Variants in NOP9 observed in about 807,000 individuals in gnomAD.
NOP9 encodes the protein NOP9 nucleolar protein.
A neutral mutation model predicts 63.0 loss-of-function variants in NOP9; 50 were observed. The observed-to-expected ratio is 0.79, with a 90% confidence interval of 0.63 to 1.00. The LOEUF (loss-of-function observed/expected upper bound fraction) is 1.00. Among genes scored for constraint, NOP9 ranks in the 50% least tolerant of loss-of-function variants. NOP9 has a pLI of 0.00. For missense variants in NOP9, 758 were observed against 803.0 expected, an observed-to-expected ratio of 0.94 and a Z score of 0.68; for synonymous variants, 343 against 332.8, an observed-to-expected ratio of 1.03 and a Z score of -0.33.
Position 24,306,668 on chromosome 14 carries a change from A to G in NOP9, c.*1573A>G. On this transcript the variant is annotated 3_prime_UTR_variant, in exon 10 of 10. Coordinates refer to ENST00000267425, the MANE Select transcript of NOP9 (RefSeq NM_174913.3). ...CACTTTGATACCTCCTAAAGGTTGC[A>G]GCTCTCCGTGTTCTTCAGTTTTTGG... The G allele has an allele frequency of 1.0e-6, 1 of 968,738 alleles. No homozygotes were observed. Among genetic ancestry groups the G allele is most frequent in the Admixed American group, 2.3e-5 (1 of 43,642 alleles). 60.0% of individuals were successfully genotyped at this position (968,738 alleles called of 1,614,324 possible).
At position 24,304,533 on chromosome 14, in the gene NOP9, G is replaced by A. The variant is rs758600371; in HGVS notation, c.1688G>A (p.Arg563His). Residue 563 changes from arginine (R) to histidine (H), a missense_variant, in exon 9 of 10, where the codon CGT becomes CAT. By Grantham distance (29) the Arg-to-His change is conservative. Coordinates refer to ENST00000267425, the MANE Select transcript of NOP9 (RefSeq NM_174913.3). ...VALACSRHGS[R>H]VLDAIWSGAA... ...CTGGCCTGTAGTCGCCATGGCAGCC[G>A]TGTGCTAGATGCCATCTGGAGTGGA... 9.3e-6 allele frequency: 15 copies of A among 1,613,172 alleles called. No individual in the cohort carries two copies. Among genetic ancestry groups the A allele is most frequent in the East Asian group, 6.7e-5 (3 of 44,894 alleles).
chr14:24,292,869 C>T, the NOP9 span: 1 of 1,496,604 alleles, frequency 6.7e-7, no homozygotes, highest in South Asian at 1.3e-5. Flanking sequence ...CCCCTGCCTT[C>T]TGGTGGTTGT....
chr14:24,300,235 A>G (rs780862988), intron 1 of NOP9, 34 bp downstream of exon 1: 3 of 1,605,942 alleles, frequency 1.9e-6, no homozygotes, highest in Non-Finnish European at 2.6e-6. Flanking sequence ...GACCAAGAGC[A>G]TCAAATCCAG....
At chr14:24,290,676 A>G in the NOP9 span, 109 of 638,780 alleles carry the variant, frequency 1.7e-4, 2 homozygotes, top group South Asian at 1.6e-3. Flanking sequence ...AAGGACAAGG[A>G]AAACCAAGGC....
At chr14:24,294,908 A>G (rs10136508), upstream of NOP9, among the ~76,000 whole-genome samples, 69,280 of 152,068 alleles carry the variant, frequency 0.46, 16,497 homozygotes, top group East Asian at 0.6. Context: ...CTGGTGTGGT[A>G]GAGGACATGG....
chr14:24,276,004 T>C, the NOP9 span, among the ~76,000 whole-genome samples: 1 of 152,246 alleles, frequency 6.6e-6, no homozygotes, highest in East Asian at 1.9e-4. Flanking sequence ...ATGTGACTGC[T>C]AAGCGCTTGA....
chr14:24,276,079 T>A, the NOP9 span, among the ~76,000 whole-genome samples: 67 of 151,956 alleles, frequency 4.4e-4, no homozygotes, highest in Admixed American at 1.5e-3. Context: ...AACTTAAAAA[T>A]TTTTTTTTGG....
chr14:24,280,740 T>G, the NOP9 span, among the ~76,000 whole-genome samples: 1 of 152,120 alleles, frequency 6.6e-6, no homozygotes, highest in Non-Finnish European at 1.5e-5. Context: ...TTTCAGGGAA[T>G]CTAAGTGCCC....
At chr14:24,301,272 A>G (rs1392928365) in intron 2 of NOP9, among the ~76,000 whole-genome samples, 1 of 152,174 alleles carries the variant, frequency 6.6e-6, no homozygotes, top group African/African-American at 2.4e-5. Flanking sequence ...AGTTGAGACC[A>G]CTAACTTGAT....
chr14:24,299,230 G>A (rs988503947), upstream of NOP9: 4 of 1,159,842 alleles, frequency 3.4e-6, no homozygotes, highest in Middle Eastern at 5.1e-4. Flanking sequence ...GCTAAGAGGA[G>A]GAGCCAAGGT....
Position 24,304,280 on chromosome 14 carries a change from T to C in NOP9, c.1647+3T>C, listed in dbSNP as rs879644412. 1.1e-5 allele frequency: 17 copies of C among 1,611,938 alleles called. No individual in the cohort carries two copies. Among genetic ancestry groups the C allele is most frequent in the Non-Finnish European group, 1.4e-5 (16 of 1,178,630 alleles). ...GCCGTGTGCTGCAGAACCTAAAGGT[T>C]AGATTTCTGGCTTTTGCCTTGATTC... On this transcript the variant is annotated splice_donor_region_variant and intron_variant, in intron 8 of 9. Coordinates refer to ENST00000267425, the MANE Select transcript of NOP9 (RefSeq NM_174913.3).
chr14:24,297,252 T>C (rs1213438368), upstream of NOP9, among the ~76,000 whole-genome samples: 1 of 152,184 alleles, frequency 6.6e-6, no homozygotes, highest in Non-Finnish European at 1.5e-5. Context: ...CCATCTCTCA[T>C]GCCCTTAGCT....
At chr14:24,278,643 G>A in the NOP9 span, among the ~76,000 whole-genome samples, 1 of 152,328 alleles carries the variant, frequency 6.6e-6, no homozygotes, top group African/African-American at 2.4e-5. Flanking sequence ...GTGGAATAAC[G>A]ATAGTGTATG....
At position 24,306,558 on chromosome 14, in the gene NOP9, T is replaced by C; in HGVS notation, c.*1463T>C. On this transcript the variant is annotated 3_prime_UTR_variant, in exon 10 of 10. Coordinates refer to ENST00000267425, the MANE Select transcript of NOP9 (RefSeq NM_174913.3). ...GGCAAGAAGCAAGAAGGGCAGGTCT[T>C]ATCCCATGCCCCTTCCCTCTTTAGC... 4.3e-6 allele frequency: 7 copies of C among 1,613,990 alleles called. No homozygotes were observed. The highest frequency in any genetic ancestry group is 5.9e-6 in the Non-Finnish European group (7 of 1,179,838).
rs1393452585 is a variant in NOP9 at position 24,302,369 on chromosome 14, C to G, written c.1088C>G (p.Pro363Arg). 2 of 1,613,924 alleles carry G rather than the reference C, an allele frequency of 1.2e-6. No individual in the cohort carries two copies. The highest frequency in any genetic ancestry group is 1.7e-6 in the Non-Finnish European group (2 of 1,179,960). The change falls in exon 5 of 10, where the codon CCC (proline) becomes CGC (arginine). Residue 363 changes from proline (P) to arginine (R), a missense_variant. By Grantham distance (103) the Pro-to-Arg change is moderately radical. Coordinates refer to ENST00000267425, the MANE Select transcript of NOP9 (RefSeq NM_174913.3). ...QGQLQTLAAH[P>R]IANFPLQRLL... is the part of the protein sequence containing the mutation. Reference sequence around the variant, plus strand: ...CAGCTGCAGACCCTGGCTGCACATCCCATTGCCAACTTCCCTTTGCAGCGC... The same window carrying G: ...CAGCTGCAGACCCTGGCTGCACATCGCATTGCCAACTTCCCTTTGCAGCGC...
the NOP9 span, among the ~76,000 whole-genome samples, chr14:24,281,089 C>T: frequency 6.6e-6 from 1 of 152,130 alleles, no homozygotes; most frequent in Admixed American, 6.5e-5. Context: ...CTGTGCCTGG[C>T]AAAGAACACT....
At chr14:24,299,024 C>T (rs1315963016), upstream of NOP9, 4 of 1,613,930 alleles carry the variant, frequency 2.5e-6, no homozygotes, top group Non-Finnish European at 3.4e-6. Flanking sequence ...GCCTGCTTTG[C>T]AGAGCTGCAA....
At chr14:24,293,983 A>G in the NOP9 span, 1 of 152,334 alleles carries the variant, frequency 6.6e-6, no homozygotes, top group Admixed American at 6.5e-5. Flanking sequence ...GAACCTGTCA[A>G]ATCAGTGGGG....
chr14:24,271,263 C>T, the NOP9 span: 1 of 1,083,484 alleles, frequency 9.2e-7, no homozygotes, highest in South Asian at 1.8e-5. Flanking sequence ...GCAGAGACCC[C>T]CAGAGTGTAA....
Sources: allele counts gnomAD v4.1 joint callset (sites outside exome capture counted in the v4.1 genomes callset), GRCh38; gene constraint gnomAD v4.1.1; transcripts MANE v1.5; gene names NCBI Gene and HGNC (gene_info 2026-07-23, HGNC 2026-07-21).